The following DEPDC1 variants were observed in gnomAD, a reference collection of about 807,000 sequenced individuals.
The protein encoded by DEPDC1 is DEP domain containing 1.
Under a neutral mutation model 86.8 loss-of-function variants are expected in DEPDC1, and 66 were observed. The ratio of observed to expected loss-of-function variants is 0.76; its 90% CI spans 0.62 to 0.93. The LOEUF is 0.93. Ranked by LOEUF, DEPDC1 falls within the 40% of genes least tolerant of loss-of-function variation. DEPDC1 has a pLI of 0.00. For synonymous variants in DEPDC1, 255 were observed against 314.9 expected (o/e 0.81, Z 2.02); for missense variants, 792 against 935.7 (o/e 0.85, Z 2.00).
intron 9 of DEPDC1, 52 bp downstream of exon 9, chr1:68,481,388 G>A (rs546569898): frequency 6.6e-7 from 1 of 1,520,564 alleles, no homozygotes; most frequent in South Asian, 1.2e-5. Flanking sequence ...GTTTGGTTTT[G>A]TTATTTTGGT....
At chr1:68,493,415 T>C (rs1405943855) in intron 2 of DEPDC1, among the ~76,000 whole-genome samples, 1 of 152,038 alleles carries the variant, frequency 6.6e-6, no homozygotes, top group African/African-American at 2.4e-5. Flanking sequence ...TGCTGACCTG[T>C]GGGAATCAGA....
chr1:68,479,704 G>A (rs1042923861), intron 9 of DEPDC1, among the ~76,000 whole-genome samples: 5 of 151,748 alleles, frequency 3.3e-5, no homozygotes, highest in African/African-American at 1.2e-4. Flanking sequence ...TTGGGAGAGT[G>A]AGGCAGAAGG....
chr1:68,491,900 C>T (rs1157213817), intron 2 of DEPDC1, among the ~76,000 whole-genome samples: 3 of 151,840 alleles, frequency 2.0e-5, no homozygotes, highest in African/African-American at 4.8e-5. Context: ...CAGGCATATG[C>T]CACCATGCCT....
Position 68,482,199 on chromosome 1 carries a change from T to C in DEPDC1, c.1609A>G (p.Asn537Asp). The C allele has an allele frequency of 6.2e-7, 1 of 1,612,948 alleles. No individual in the cohort carries two copies. Among genetic ancestry groups the C allele is most frequent in the South Asian group, 1.1e-5 (1 of 91,050 alleles). The change falls in exon 8 of 12, where the codon AAT (asparagine) becomes GAT (aspartate). Residue 537 changes from asparagine (N) to aspartate (D), a missense_variant. Asn to Asp is a conservative substitution (Grantham distance 23). Coordinates refer to ENST00000456315, the MANE Select transcript of DEPDC1 (RefSeq NM_001114120.3). ...ACACTTGTGCTGCCTTGTCCAACATTTGGTTTCATGATAATTTCAGCCACT... is the reference window on the plus strand; with the variant it reads ...ACACTTGTGCTGCCTTGTCCAACATCTGGTTTCATGATAATTTCAGCCACT... ...TPVAEIIMKP[N>D]VGQGSTSVQT...
At chr1:68,479,752 A>G (rs6697751) in intron 9 of DEPDC1, among the ~76,000 whole-genome samples, 96,906 of 151,008 alleles carry the variant, frequency 0.64, 32,142 homozygotes, top group Middle Eastern at 0.83. Context: ...GCAGTGAGCT[A>G]TGATCACACC....
Position 68,476,926 on chromosome 1 carries a change from A to G in DEPDC1, c.*6T>C, listed in dbSNP as rs1646119254. On this transcript the variant is annotated 3_prime_UTR_variant, in exon 12 of 12. Transcript: ENST00000456315. ...ACAAGTATTACATAATTTTTAATTC[A>G]GTTAGTTATCTTAGACTACGGAACT... The G allele has an allele frequency of 4.5e-6, 7 of 1,568,616 alleles. No homozygotes were observed. The highest frequency in any genetic ancestry group is 6.1e-6 in the Non-Finnish European group (7 of 1,156,606).
At chr1:68,489,393 C>A in intron 3 of DEPDC1, 59 bp downstream of exon 3, 1 of 1,178,704 alleles carries the variant, frequency 8.5e-7, no homozygotes, top group African/African-American at 1.6e-5. Context: ...TTTAATGATT[C>A]TATCATTGAG....
At position 68,485,046 on chromosome 1, in the gene DEPDC1, T is replaced by G. The variant is rs148594708; in HGVS notation, c.770-956A>C. Among the ~76,000 whole-genome samples, 546 of 151,908 alleles carry G rather than the reference T, an allele frequency of 3.6e-3. 3 individuals carry two copies. The highest frequency in any genetic ancestry group is 0.013 in the African/African-American group (523 of 41,502). ...GGTTTTAGAGCCATTATACTATCTTTCAAGTTAAAATGTTTCTCTTCCCAA... is the reference window on the plus strand; with the variant it reads ...GGTTTTAGAGCCATTATACTATCTTGCAAGTTAAAATGTTTCTCTTCCCAA... On this transcript the variant is annotated intron_variant, in intron 6 of 11. Coordinates refer to ENST00000456315, the MANE Select transcript of DEPDC1 (RefSeq NM_001114120.3).
At chr1:68,483,625 C>T in intron 7 of DEPDC1, 1 of 275,842 alleles carries the variant, frequency 3.6e-6, no homozygotes, top group Non-Finnish European at 7.0e-6. Context: ...CCCCCACCCT[C>T]ATACCGTGCT....
At position 68,479,160 on chromosome 1, in the gene DEPDC1, T is replaced by A; in HGVS notation, c.2096A>T (p.Tyr699Phe). 6.2e-7 allele frequency: 1 copy of A among 1,608,172 alleles called. No homozygotes were observed. Among genetic ancestry groups the A allele is most frequent in the Non-Finnish European group, 8.5e-7 (1 of 1,178,004 alleles). Residue 699 changes from tyrosine (Y) to phenylalanine (F), a missense_variant, in exon 10 of 12, where the codon TAC (tyrosine) becomes TTC (phenylalanine). Tyr to Phe is a conservative substitution (Grantham distance 22, BLOSUM62 3). Transcript: ENST00000456315. ...LQTAVEKHLD[Y>F]LKKGHIENPG... The stretch of plus-strand genomic sequence containing the variant: ...AATACTTACATGTCCCTTTTTTAAG[T>A]AGTCAAGATGTTTTTCCACTGCAGT...
In DEPDC1 at chr1:68,476,875, G is replaced by C; in HGVS notation, c.*57C>G. 2 of 1,395,806 alleles carry C rather than the reference G, an allele frequency of 1.4e-6. No individual in the cohort carries two copies. Among genetic ancestry groups the C allele is most frequent in the East Asian group, 5.0e-5 (2 of 40,200 alleles). The allele number at this position is 1,395,806 out of a possible 1,614,324, so 86.5% of individuals were successfully genotyped here. A position where few individuals can be genotyped will look rare whatever the true frequency, so the allele number is the denominator to read the frequency against. On this transcript the variant is annotated 3_prime_UTR_variant, in exon 12 of 12. Coordinates refer to ENST00000456315, the MANE Select transcript of DEPDC1 (RefSeq NM_001114120.3). ...TTCCTTTTGAGTAGCTACATTCTCAGATATGGCTTCATTTATCAAAGTTCC... is the reference window on the plus strand; with the variant it reads ...TTCCTTTTGAGTAGCTACATTCTCACATATGGCTTCATTTATCAAAGTTCC...
At chr1:68,485,227 G>A (rs1048962020) in intron 6 of DEPDC1, among the ~76,000 whole-genome samples, 1 of 151,344 alleles carries the variant, frequency 6.6e-6, no homozygotes, top group Non-Finnish European at 1.5e-5. Context: ...TTTTTCTAAG[G>A]ACATAAGAAA....
In DEPDC1 at chr1:68,482,374, T is replaced by C. The variant is rs1342558650; in HGVS notation, c.1434A>G (p.Pro478=). 1.2e-6 allele frequency: 2 copies of C among 1,612,856 alleles called. No individual in the cohort carries two copies. The highest frequency in any genetic ancestry group is 1.7e-5 in the Admixed American group (1 of 59,794). ...NLHSEENIQK[P]FSAGFKRTST... ...AGGTTCTCTTAAAACCAGCACTGAA[T>C]GGCTTTTGAATATTTTCCTCTGAAT... The change falls in exon 8 of 12, where the codon CCA becomes CCG. Residue 478 remains proline, a synonymous_variant. Coordinates refer to ENST00000456315, the MANE Select transcript of DEPDC1 (RefSeq NM_001114120.3).
chr1:68,487,021 C>A (rs1202520885), intron 5 of DEPDC1, 37 bp from the exon 6 acceptor site: 1 of 1,568,888 alleles, frequency 6.4e-7, no homozygotes. Flanking sequence ...GTAAACCATA[C>A]ATTTTTTATG....
At position 68,488,450 on chromosome 1, in the gene DEPDC1, T is replaced by G; in HGVS notation, c.645A>C (p.Gln215His). ...TGTACATTATATATTGGGGAATTAC[T>G]TGTTTTGGATTTATGACTTCTTCTA... Reference protein sequence around the residue: ...PSLEEVINPKQVIPQYIMYNM... With the variant: ...PSLEEVINPKHVIPQYIMYNM... Residue 215 changes from glutamine (Q) to histidine (H), a missense_variant, in exon 5 of 12, where the codon CAA becomes CAC. Transcript: ENST00000456315. 6.2e-7 allele frequency: 1 copy of G among 1,607,878 alleles called. No individual in the cohort carries two copies. The highest frequency in any genetic ancestry group is 8.5e-7 in the Non-Finnish European group (1 of 1,177,620).
chr1:68,490,105 A>C (rs1357960091), intron 2 of DEPDC1, among the ~76,000 whole-genome samples: 1 of 152,182 alleles, frequency 6.6e-6, no homozygotes, highest in African/African-American at 2.4e-5. Flanking sequence ...ACATTTTGCC[A>C]GACTTCTCCT....
intron 9 of DEPDC1, among the ~76,000 whole-genome samples, chr1:68,480,710 A>G (rs1273470632): frequency 2.0e-5 from 3 of 152,022 alleles, no homozygotes; most frequent in African/African-American, 7.2e-5. Context: ...TAATAGTGCT[A>G]TAATTACTCA....
chr1:68,481,465 T>A lies in DEPDC1; in HGVS notation c.1910A>T (p.His637Leu). 3.1e-6 allele frequency: 5 copies of A among 1,612,318 alleles called. No individual in the cohort carries two copies. Among genetic ancestry groups the A allele is most frequent in the Non-Finnish European group, 4.2e-6 (5 of 1,178,936 alleles). ...CAGTGACCTCGTACCCATTGCATCA[T>A]GAAGTTTGGGCATATCAACATTTTG... ...MSQNVDMPKLHDAMGTRSLMI... is the reference protein window; with the variant it reads ...MSQNVDMPKLLDAMGTRSLMI... The change falls in exon 9 of 12, where the codon CAT becomes CTT. Residue 637 changes from histidine to leucine, a missense_variant. Transcript: ENST00000456315.
chr1:68,490,121 T>C (rs1281356733), intron 2 of DEPDC1, among the ~76,000 whole-genome samples: 2 of 152,180 alleles, frequency 1.3e-5, no homozygotes, highest in African/African-American at 2.4e-5. Flanking sequence ...CTCCTTTAAT[T>C]TTTTTAAACT....
Sources: gnomAD v4.1 joint callset for allele counts (sites outside exome capture counted in the v4.1 genomes callset) on GRCh38, gnomAD v4.1.1 for gene constraint, MANE v1.5 for transcripts, NCBI Gene and HGNC (gene_info 2026-07-23, HGNC 2026-07-21) for gene names.